The following GLIS1 variants were observed in gnomAD, a reference collection of about 807,000 sequenced individuals.
The protein encoded by GLIS1 is zinc finger protein GLIS1.
Under a neutral mutation model 63.8 loss-of-function variants are expected in GLIS1, and 24 were observed. That is an observed-to-expected ratio of 0.38 (90% CI 0.27 to 0.53). The LOEUF is 0.53. Among genes scored for constraint, GLIS1 ranks in the 20% least tolerant of loss-of-function variants. GLIS1 has a pLI of 0.85. For missense variants in GLIS1, 1,036 were observed against 1,074.1 expected (o/e 0.96, Z 0.50); for synonymous variants, 450 against 482.5 (o/e 0.93, Z 0.88).
chr1:53,621,579 TAAAC>T (rs757772133), intron 2 of GLIS1, among the ~76,000 whole-genome samples: 11 of 152,242 alleles, frequency 7.2e-5, no homozygotes, highest in South Asian at 4.1e-4. Context: ...AATTTCCAAA[TAAAC>T]AGTTACCCAA....
chr1:53,734,730 C>T (rs1478182156), intron 2 of GLIS1, among the ~76,000 whole-genome samples: 1 of 152,210 alleles, frequency 6.6e-6, no homozygotes, highest in African/African-American at 2.4e-5. Flanking sequence ...TGTAAAGCAC[C>T]GTGCACAGAG....
In GLIS1 at chr1:53,627,454, AT is replaced by A. The variant is rs888101430; in HGVS notation, c.260-27177del. Among the ~76,000 whole-genome samples the A allele has an allele frequency of 1.7e-3, 256 of 152,086 alleles. 3 individuals carry two copies. Among genetic ancestry groups the A allele is most frequent in the Admixed American group, 0.015 (235 of 15,288 alleles). On this transcript the variant is annotated intron_variant, in intron 2 of 10. Transcript: ENST00000628545. ...CCTCCCGCTTGCTGCTCCAGCTCCG[AT>A]TTTTTTCCCCCAGCCCACTGTAAAT...
At chr1:53,528,709 C>A (rs1644496761) in intron 5 of GLIS1, among the ~76,000 whole-genome samples, 1 of 152,134 alleles carries the variant, frequency 6.6e-6, no homozygotes, top group African/African-American at 2.4e-5. Flanking sequence ...CTCATGGCCT[C>A]CAACTTACCC....
chr1:53,731,820 ATAACCTG>A (rs1646864195), intron 2 of GLIS1, among the ~76,000 whole-genome samples: 1 of 152,194 alleles, frequency 6.6e-6, no homozygotes, highest in African/African-American at 2.4e-5. Flanking sequence ...GTTCCAGTGT[ATAACCTG>A]GTCTGAGACA....
intron 10 of GLIS1, among the ~76,000 whole-genome samples, chr1:53,507,863 G>A (rs1557937102): frequency 6.6e-6 from 1 of 152,220 alleles, no homozygotes; most frequent in South Asian, 2.1e-4. Flanking sequence ...CTGGATGGGG[G>A]TGGGGAGGAC....
intron 2 of GLIS1, among the ~76,000 whole-genome samples, chr1:53,610,336 TA>T: frequency 6.6e-6 from 1 of 152,374 alleles, no homozygotes; most frequent in East Asian, 1.9e-4. Context: ...TAAAAATTTT[TA>T]AAAATTGTAA....
At chr1:53,704,177 T>A (rs1425597969) in intron 2 of GLIS1, among the ~76,000 whole-genome samples, 1 of 152,248 alleles carries the variant, frequency 6.6e-6, no homozygotes. Context: ...AAGAAATGTT[T>A]GCCCACAGCC....
At chr1:53,533,351 A>G (rs1435827363) in intron 4 of GLIS1, among the ~76,000 whole-genome samples, 4 of 152,178 alleles carry the variant, frequency 2.6e-5, no homozygotes, top group Non-Finnish European at 1.5e-5. Context: ...CAGAAGCATG[A>G]TATGGGGGTT....
At chr1:53,529,027 G>A (rs1415341591) in intron 5 of GLIS1, among the ~76,000 whole-genome samples, 1 of 152,212 alleles carries the variant, frequency 6.6e-6, no homozygotes, top group Admixed American at 6.5e-5. Flanking sequence ...CTGGCCTCAG[G>A]TGTCCCACTT....
At chr1:53,540,370 G>T (rs7540317) in intron 4 of GLIS1, among the ~76,000 whole-genome samples, 1 of 151,942 alleles carries the variant, frequency 6.6e-6, no homozygotes, top group African/African-American at 2.4e-5. Context: ...CAGGCCTCCA[G>T]CCTCAACCCT....
rs115443038 is a variant in GLIS1, at chr1:53,514,901, C to T, written c.1727-120G>A. ...TAAAGACAAGAGGGAAAATGAACAA[C>T]GTTGTATCACTGGAAGTTTAGGGGC... is the stretch of plus-strand genomic sequence containing the variant. On this transcript the variant is annotated intron_variant, in intron 7 of 10. Coordinates refer to ENST00000628545, the MANE Select transcript of GLIS1 (RefSeq NM_001367484.1). 130 of 1,225,448 alleles carry T rather than the reference C, an allele frequency of 1.1e-4. No homozygotes were observed. In the African/African-American group the frequency reaches 1.7e-3, roughly 16 times the overall value. The allele number at this position is 1,225,448 out of a possible 1,614,324, so 75.9% of individuals were successfully genotyped here.
rs1002214736 is a variant in GLIS1, at chr1:53,738,049, C to T, written c.16G>A (p.Ala6Thr). 4.9e-6 allele frequency: 6 copies of T among 1,230,496 alleles called. No homozygotes were observed. The highest frequency in any genetic ancestry group is 8.5e-5 in the Admixed American group (2 of 23,652). 76.2% of individuals were successfully genotyped at this position (1,230,496 alleles called of 1,614,324 possible). A position where few individuals can be genotyped will look rare whatever the true frequency, so the allele number is the denominator to read the frequency against. MHCEV[A>T]EAHSDKRPKE... ...GGCCTCTTGTCCGAGTGTGCCTCAG[C>T]CACCTCGCAATGCATGGCGCCGGGG... Residue 6 changes from alanine (A) to threonine (T), a missense_variant, in exon 2 of 11, where the codon GCT becomes ACT. Around this residue, in one of 3 missense-constraint regions of GLIS1, gnomAD observed 592 missense variants for 593.9 expected, o/e 1.00. Coordinates refer to ENST00000628545, the MANE Select transcript of GLIS1 (RefSeq NM_001367484.1).
At chr1:53,681,848 TC>T (rs1361633458) in intron 2 of GLIS1, among the ~76,000 whole-genome samples, 3 of 151,086 alleles carry the variant, frequency 2.0e-5, no homozygotes, top group Admixed American at 1.3e-4. Context: ...CCCTCTCTCC[TC>T]CCCCATCCTC....
At chr1:53,514,271 C>T (rs2100267788) in intron 8 of GLIS1, among the ~76,000 whole-genome samples, 1 of 152,296 alleles carries the variant, frequency 6.6e-6, no homozygotes, top group East Asian at 1.9e-4. Flanking sequence ...GGCAAGGAGA[C>T]ACCAGAGTGA....
chr1:53,672,740 T>G lies in GLIS1; in HGVS notation c.259+65066A>C, dbSNP rs113999676. ...GTTTGACAATGTGCCCTGCAAGACT[T>G]TCCACCTGCTCCTCTATCTCCCCTT... is the stretch of plus-strand genomic sequence containing the variant. On this transcript the variant is annotated intron_variant, in intron 2 of 10. Coordinates refer to ENST00000628545, the MANE Select transcript of GLIS1 (RefSeq NM_001367484.1). Among the ~76,000 whole-genome samples the G allele has an allele frequency of 2.9e-3, 441 of 152,196 alleles. 1 individual carries two copies. The highest frequency in any genetic ancestry group is 9.9e-3 in the African/African-American group (411 of 41,526).
chr1:53,628,984 T>C (rs969450063), intron 2 of GLIS1, among the ~76,000 whole-genome samples: 4 of 152,108 alleles, frequency 2.6e-5, no homozygotes, highest in Admixed American at 6.6e-5. Flanking sequence ...AAAATAAATC[T>C]GGGCTCTGCT....
At chr1:53,709,629 C>T (rs1780392) in intron 2 of GLIS1, among the ~76,000 whole-genome samples, 94,777 of 151,740 alleles carry the variant, frequency 0.62, 31,829 homozygotes, top group Non-Finnish European at 0.73. Flanking sequence ...ATTTACTCTC[C>T]GATCTGATTC....
intron 2 of GLIS1, among the ~76,000 whole-genome samples, chr1:53,705,009 CATGA>C (rs1646563253): frequency 6.6e-6 from 1 of 152,304 alleles, no homozygotes; most frequent in African/African-American, 2.4e-5. Context: ...AGAGGGAGCG[CATGA>C]ATTCACACCT....
chr1:53,571,479 C>T (rs963427402), intron 4 of GLIS1, among the ~76,000 whole-genome samples: 12 of 152,176 alleles, frequency 7.9e-5, no homozygotes, highest in Admixed American at 7.9e-4. Flanking sequence ...CCCAAATGTC[C>T]ATCAACAAGA....
Sources: gnomAD v4.1 joint callset for allele counts (sites outside exome capture counted in the v4.1 genomes callset) on GRCh38, gnomAD v4.1.1 for gene constraint, gnomAD v4.1.1 regional missense constraint, MANE v1.5 for transcripts, NCBI Gene and HGNC (gene_info 2026-07-23, HGNC 2026-07-21) for gene names.